Variants in PPP2R2B observed in about 807,000 individuals in gnomAD.
PPP2R2B encodes protein phosphatase 2 regulatory subunit Bbeta.
PPP2R2B carries 5 observed loss-of-function variants against 46.0 expected under a neutral mutation model. The observed-to-expected ratio is 0.11, with a 90% CI of 0.06 to 0.23. PPP2R2B has a LOEUF of 0.23. Ranked by LOEUF, PPP2R2B falls within the 10% of genes least tolerant of loss-of-function variation. PPP2R2B has a pLI of 1.00. For missense variants in PPP2R2B, 367 were observed against 575.0 expected (o/e 0.64, Z 3.70); for synonymous variants, 215 against 206.7 (o/e 1.04, Z -0.34).
intron 2 of PPP2R2B, among the ~76,000 whole-genome samples, chr5:146,781,135 T>G (rs1430788997): frequency 5.7e-5 from 2 of 34,806 alleles, no homozygotes; most frequent in African/African-American, 1.4e-4. Context: ...CACCATGATA[T>G]ATATATATAT....
At chr5:147,080,720 G>A (rs1019241338) in intron 2 of PPP2R2B, among the ~76,000 whole-genome samples, 3 of 152,158 alleles carry the variant, frequency 2.0e-5, no homozygotes, top group African/African-American at 7.2e-5. Context: ...GAATGAAAGG[G>A]AGAGAATTAT....
At chr5:146,905,971 TA>T (rs1762982884) in intron 1 of PPP2R2B, among the ~76,000 whole-genome samples, 1 of 152,172 alleles carries the variant, frequency 6.6e-6, no homozygotes, top group South Asian at 2.1e-4. Flanking sequence ...TAATTTAAAT[TA>T]AATAAAATTT....
intron 1 of PPP2R2B, among the ~76,000 whole-genome samples, chr5:147,007,637 T>C (rs1580792052): frequency 1.3e-5 from 2 of 152,304 alleles, no homozygotes; most frequent in East Asian, 1.9e-4. Context: ...TCTTTGGGTC[T>C]GCACTACCTT....
intron 1 of PPP2R2B, among the ~76,000 whole-genome samples, chr5:146,931,102 T>C (rs529120154): frequency 7.0e-4 from 107 of 152,236 alleles, no homozygotes; most frequent in Non-Finnish European, 1.4e-3. Context: ...TTCTATACTC[T>C]ATACTTCTAT....
chr5:147,074,207 C>T (rs142822986), intron 2 of PPP2R2B, among the ~76,000 whole-genome samples: 204 of 152,158 alleles, frequency 1.3e-3, no homozygotes, highest in Non-Finnish European at 2.2e-3. Context: ...ATTCAGTATC[C>T]TGCCTAAGGT....
At chr5:146,757,533 T>G (rs1464109509) in intron 2 of PPP2R2B, among the ~76,000 whole-genome samples, 1 of 152,074 alleles carries the variant, frequency 6.6e-6, no homozygotes, top group Non-Finnish European at 1.5e-5. Context: ...TGAGGTGACT[T>G]TGAAGAGGAC....
chr5:146,728,615 A>G (rs1752030313), intron 2 of PPP2R2B, among the ~76,000 whole-genome samples: 1 of 152,166 alleles, frequency 6.6e-6, no homozygotes, highest in Admixed American at 6.5e-5. Context: ...CTCAACTTGA[A>G]TTGTATGTCC....
At chr5:146,861,095 G>C (rs181695206) in intron 2 of PPP2R2B, among the ~76,000 whole-genome samples, 49 of 135,410 alleles carry the variant, frequency 3.6e-4, no homozygotes, top group African/African-American at 1.3e-3. Context: ...CTCCTCTGTC[G>C]CTCGGGCTGG....
intron 1 of PPP2R2B, chr5:147,055,577 A>G (rs1757044902): frequency 8.5e-7 from 1 of 1,174,068 alleles, no homozygotes; most frequent in Non-Finnish European, 1.3e-6. Flanking sequence ...TAGTAGCTAC[A>G]GAAAGCAGCA....
chr5:147,069,713 GA>G (rs1421370582), intron 2 of PPP2R2B, among the ~76,000 whole-genome samples: 3 of 146,710 alleles, frequency 2.0e-5, no homozygotes, highest in African/African-American at 7.6e-5. Context: ...AAGCCTCACA[GA>G]AAAGCCATCT....
At chr5:146,601,632 G>C (rs540721493) in intron 7 of PPP2R2B, among the ~76,000 whole-genome samples, 1 of 152,282 alleles carries the variant, frequency 6.6e-6, no homozygotes, top group Admixed American at 6.5e-5. Flanking sequence ...TGTGACCTTA[G>C]GCAAGATACT....
chr5:147,011,495 G>A (rs1030699230), intron 1 of PPP2R2B, among the ~76,000 whole-genome samples: 1 of 152,068 alleles, frequency 6.6e-6, no homozygotes, highest in Non-Finnish European at 1.5e-5. Flanking sequence ...ATTACCTTCA[G>A]ACTATGTCTA....
At chr5:146,672,536 A>G (rs1426400182) in intron 5 of PPP2R2B, among the ~76,000 whole-genome samples, 2 of 152,150 alleles carry the variant, frequency 1.3e-5, no homozygotes, top group Non-Finnish European at 2.9e-5. Context: ...AAAGACACAT[A>G]AAGGGTAAGC....
At chr5:146,657,067 G>A (rs1342626499) in intron 5 of PPP2R2B, among the ~76,000 whole-genome samples, 1 of 152,212 alleles carries the variant, frequency 6.6e-6, no homozygotes, top group Non-Finnish European at 1.5e-5. Context: ...TGACACCTAA[G>A]TGGGGGTTGG....
At chr5:146,763,659 A>T (rs1305661672) in intron 2 of PPP2R2B, among the ~76,000 whole-genome samples, 1 of 152,188 alleles carries the variant, frequency 6.6e-6, no homozygotes. Flanking sequence ...CTGTTAAAAG[A>T]ATGCTTACCA....
chr5:146,824,455 C>G (rs1429213621), intron 2 of PPP2R2B, among the ~76,000 whole-genome samples: 1 of 152,122 alleles, frequency 6.6e-6, no homozygotes, highest in Non-Finnish European at 1.5e-5. Flanking sequence ...CCCTAGGGTA[C>G]CTTCAATAGC....
At chr5:147,069,614 T>G (rs1032382087) in intron 2 of PPP2R2B, among the ~76,000 whole-genome samples, 1 of 151,998 alleles carries the variant, frequency 6.6e-6, no homozygotes, top group Non-Finnish European at 1.5e-5. Flanking sequence ...ACTTGTTGTC[T>G]CCTGTGTCTA....
intron 2 of PPP2R2B, among the ~76,000 whole-genome samples, chr5:146,746,069 T>C (rs893584087): frequency 2.0e-5 from 3 of 152,220 alleles, no homozygotes; most frequent in African/African-American, 7.2e-5. Flanking sequence ...CTTGGCTCAA[T>C]GACAGACTTT....
At chr5:146,629,363 C>T (rs1054906112) in intron 7 of PPP2R2B, among the ~76,000 whole-genome samples, 1 of 152,154 alleles carries the variant, frequency 6.6e-6, no homozygotes, top group African/African-American at 2.4e-5. Context: ...TTTCCATCAC[C>T]TCTTCACTGC....
Sources: gnomAD v4.1 joint callset for allele counts (sites outside exome capture counted in the v4.1 genomes callset) on GRCh38, gnomAD v4.1.1 for gene constraint, MANE v1.5 for transcripts, NCBI Gene and HGNC (gene_info 2026-07-23, HGNC 2026-07-21) for gene names.